Variants in CERS6 observed in about 807,000 individuals in gnomAD.
CERS6 encodes ceramide synthase 6, also known as LAG1 homolog, ceramide synthase 6.
CERS6 carries 26 observed loss-of-function variants against 56.8 expected under a neutral mutation model. That is an observed-to-expected ratio of 0.46 (90% CI 0.34 to 0.63). The LOEUF is 0.63. CERS6 is among the 30% of genes least tolerant of loss of function. The pLI, the probability that CERS6 is intolerant of heterozygous loss-of-function variation, is 0.01. For synonymous variants in CERS6, 164 were observed against 173.3 expected, an observed-to-expected ratio of 0.95 and a Z score of 0.42; for missense variants, 415 against 467.5, an observed-to-expected ratio of 0.89 and a Z score of 1.04.
chr2:168,466,071 G>C (rs1219951785), intron 1 of CERS6, among the ~76,000 whole-genome samples: 1 of 150,100 alleles, frequency 6.7e-6, no homozygotes, highest in Non-Finnish European at 1.5e-5. Flanking sequence ...CTTCTTTCCA[G>C]AATCGTCTGG....
At chr2:168,589,198 C>T (rs973647240) in intron 3 of CERS6, among the ~76,000 whole-genome samples, 1 of 152,202 alleles carries the variant, frequency 6.6e-6, no homozygotes, top group Non-Finnish European at 1.5e-5. Flanking sequence ...CATTCTTGCC[C>T]GTACCTTTTA....
rs1684891134 is a variant in CERS6, at chr2:168,772,527, C to T, written c.*2865C>T. ...CTCACCAGGTACAATAGAAACTTCC[C>T]TCCTTGTTTGTCAGCCTCCTGTTCA... On this transcript the variant is annotated 3_prime_UTR_variant, in exon 10 of 10. Coordinates refer to ENST00000305747, the MANE Select transcript of CERS6 (RefSeq NM_203463.3). 6.6e-6 allele frequency: 1 copy of T among 152,594 alleles called. No individual in the cohort carries two copies. Among genetic ancestry groups the T allele is most frequent in the Non-Finnish European group, 1.5e-5 (1 of 68,032 alleles). The allele number at this position is 152,594 out of a possible 1,614,324, so 9.5% of individuals were successfully genotyped here.
chr2:168,558,726 G>A (rs1345544778), intron 2 of CERS6, among the ~76,000 whole-genome samples: 9 of 152,168 alleles, frequency 5.9e-5, no homozygotes, highest in Non-Finnish European at 1.2e-4. Flanking sequence ...AAAATTAGCA[G>A]GGTGTGGTGG....
rs1414650575 is a variant in CERS6, at chr2:168,478,178, C to T, written c.170+21560C>T. On this transcript the variant is annotated intron_variant, in intron 1 of 9. Coordinates refer to ENST00000305747, the MANE Select transcript of CERS6 (RefSeq NM_203463.3). ...TCAGTTTCCCCAGAGAACAGCTTTT[C>T]TCTAGCCTGCTTGATGGTTATAAGC... Among the ~76,000 whole-genome samples, 5 of 152,000 alleles carry T rather than the reference C, an allele frequency of 3.3e-5. No homozygotes were observed. The East Asian group carries it at 9.7e-4, about 29-fold the overall frequency.
intron 8 of CERS6, among the ~76,000 whole-genome samples, chr2:168,743,986 CTTTTTTTTCTTTTTTTT>C (rs1232059735): frequency 1.7e-5 from 1 of 59,700 alleles, no homozygotes; most frequent in African/African-American, 6.1e-5. Flanking sequence ...TTTCTTTTTT[CTTTTTTTTCTTTTTTTT>C]TTTTTTTTTT....
intron 1 of CERS6, among the ~76,000 whole-genome samples, chr2:168,471,559 CTG>C (rs1693979103): frequency 1.3e-5 from 2 of 152,172 alleles, no homozygotes; most frequent in African/African-American, 4.8e-5. Context: ...TTTAAAACAA[CTG>C]TTTATTTTTT....
intron 1 of CERS6, among the ~76,000 whole-genome samples, chr2:168,528,576 T>C (rs946792512): frequency 6.6e-6 from 1 of 152,248 alleles, no homozygotes; most frequent in Non-Finnish European, 1.5e-5. Context: ...CTAAGCTACA[T>C]TGAAGCATGT....
chr2:168,714,961 G>C, intron 6 of CERS6, 40 bp from the exon 7 acceptor site: 1 of 1,571,672 alleles, frequency 6.4e-7, no homozygotes. Flanking sequence ...GAAATGTGAT[G>C]TTGCTAAACT....
At chr2:168,737,788 A>G (rs552951239) in intron 8 of CERS6, among the ~76,000 whole-genome samples, 12 of 152,372 alleles carry the variant, frequency 7.9e-5, no homozygotes, top group Middle Eastern at 3.4e-3. Context: ...CATCATATGT[A>G]CAGTTTATAA....
At chr2:168,650,142 G>A (rs59187526) in intron 4 of CERS6, among the ~76,000 whole-genome samples, 3,670 of 152,286 alleles carry the variant, frequency 0.024, 132 homozygotes, top group African/African-American at 0.074. Flanking sequence ...CTGCTCACTT[G>A]CTCCAGGTTT....
chr2:168,645,467 T>A (rs997684552), intron 4 of CERS6, among the ~76,000 whole-genome samples: 5 of 151,938 alleles, frequency 3.3e-5, no homozygotes, highest in African/African-American at 1.2e-4. Context: ...GAGAAAACCC[T>A]GTTCCTTATT....
At position 168,694,493 on chromosome 2, in the gene CERS6, C is replaced by CA. The variant is rs553696154; in HGVS notation, c.517-458dup. Among the ~76,000 whole-genome samples the CA allele has an allele frequency of 2.0e-3, 310 of 151,732 alleles. 2 individuals are homozygous for CA. Among genetic ancestry groups the CA allele is most frequent in the Non-Finnish European group, 3.7e-3 (254 of 67,872 alleles). On this transcript the variant is annotated intron_variant, in intron 5 of 9. Transcript: ENST00000305747. ...TGTACTGAACATTTTTTTCTAATAA[C>CA]AAAAAAAAGAGCTTTCTGATTAATG...
intron 3 of CERS6, among the ~76,000 whole-genome samples, chr2:168,584,836 A>G (rs1475087583): frequency 3.3e-5 from 5 of 152,202 alleles, no homozygotes; most frequent in African/African-American, 1.2e-4. Context: ...TTTTTGTTTT[A>G]TGACACAAAG....
In CERS6 at chr2:168,637,296, T is replaced by C. The variant is rs1412567014; in HGVS notation, c.465+6254T>C. The stretch of plus-strand genomic sequence containing the variant: ...TTCAAGACCAGCCTGGCCAACATGG[T>C]GAAACCCTGTATCTACTGAAAATAC... On this transcript the variant is annotated intron_variant, in intron 4 of 9. Transcript: ENST00000305747. Among the ~76,000 whole-genome samples the C allele has an allele frequency of 2.0e-5, 3 of 151,886 alleles. 1 individual carries two copies. The highest frequency in any genetic ancestry group is 1.3e-4 in the Admixed American group (2 of 15,244).
intron 8 of CERS6, among the ~76,000 whole-genome samples, chr2:168,730,245 A>T (rs1683485294): frequency 6.6e-6 from 1 of 152,202 alleles, no homozygotes; most frequent in Non-Finnish European, 1.5e-5. Context: ...GCCTTTATCC[A>T]CAGCTGGTCA....
intron 8 of CERS6, among the ~76,000 whole-genome samples, chr2:168,721,661 C>T (rs998298400): frequency 1.3e-5 from 2 of 149,046 alleles, no homozygotes; most frequent in African/African-American, 4.9e-5. Context: ...CTCTGTTGGC[C>T]AGGCTGGGCT....
intron 3 of CERS6, among the ~76,000 whole-genome samples, chr2:168,570,788 C>A (rs1275935289): frequency 3.9e-5 from 6 of 152,106 alleles, no homozygotes; most frequent in Non-Finnish European, 8.8e-5. Context: ...GATTTTTCTT[C>A]TGTGAAAGGA....
chr2:168,622,108 T>C (rs1684486187), intron 3 of CERS6, among the ~76,000 whole-genome samples: 1 of 152,122 alleles, frequency 6.6e-6, no homozygotes, highest in Admixed American at 6.5e-5. Flanking sequence ...TTTGATGCTG[T>C]TTTAGAGGAT....
At chr2:168,460,102 C>G (rs924857337) in intron 1 of CERS6, among the ~76,000 whole-genome samples, 1 of 152,062 alleles carries the variant, frequency 6.6e-6, no homozygotes, top group Non-Finnish European at 1.5e-5. Context: ...TTGTTTTCAC[C>G]CTCCTGATTC....
Sources: gnomAD v4.1 joint callset for allele counts (sites outside exome capture counted in the v4.1 genomes callset) on GRCh38, gnomAD v4.1.1 for gene constraint, MANE v1.5 for transcripts, NCBI Gene and HGNC (gene_info 2026-07-23, HGNC 2026-07-21) for gene names.